The following SOX5 variants were observed in gnomAD, a reference collection of about 807,000 sequenced individuals.
SOX5 encodes SRY-box transcription factor 5.
A neutral mutation model predicts 92.0 loss-of-function variants in SOX5; 9 were observed. The observed-to-expected ratio is 0.10, with a 90% CI of 0.06 to 0.17. SOX5 has a LOEUF of 0.17. Among genes scored for constraint, SOX5 ranks in the 10% least tolerant of loss-of-function variants. The pLI is 1.00. For synonymous variants in SOX5, 344 were observed against 336.3 expected (o/e 1.02, Z -0.25); for missense variants, 642 against 944.5 (o/e 0.68, Z 4.20).
At chr12:24,313,471 A>G (rs1949397144) in intron 2 of SOX5, among the ~76,000 whole-genome samples, 1 of 152,190 alleles carries the variant, frequency 6.6e-6, no homozygotes, top group African/African-American at 2.4e-5. Context: ...TCAAAGTTAC[A>G]GTGAGCTATG....
intron 3 of SOX5, among the ~76,000 whole-genome samples, chr12:23,816,530 G>T (rs2095998300): frequency 6.6e-6 from 1 of 151,974 alleles, no homozygotes; most frequent in African/African-American, 2.4e-5. Context: ...GCAGGATGGA[G>T]GTTTACATCT....
chr12:23,546,387 G>T lies in SOX5; in HGVS notation c.1526C>A (p.Ala509Glu). 6.2e-7 allele frequency: 1 copy of T among 1,608,362 alleles called. No homozygotes were observed. The highest frequency in any genetic ancestry group is 8.5e-7 in the Non-Finnish European group (1 of 1,175,242). The change falls in exon 12 of 15, where the codon GCA (alanine) becomes GAA (glutamate). Residue 509 changes from alanine (A) to glutamate (E), a missense_variant. By Grantham distance (107) the Ala-to-Glu change is moderately radical (BLOSUM62 -1). Coordinates refer to ENST00000451604, the MANE Select transcript of SOX5 (RefSeq NM_006940.6). ...TTTTCCTTCTTCATTCTGTTTAACTGCCAGTTGCTGAGTCAGACTCTCCAG... is the reference window on the plus strand; with the variant it reads ...TTTTCCTTCTTCATTCTGTTTAACTTCCAGTTGCTGAGTCAGACTCTCCAG... The part of the protein sequence containing the change: ...TTLESLTQQL[A>E]VKQNEEGKFS...
intron 9 of SOX5, among the ~76,000 whole-genome samples, chr12:23,594,682 T>A (rs1025686831): frequency 6.6e-6 from 1 of 152,152 alleles, no homozygotes; most frequent in South Asian, 2.1e-4. Context: ...ATATTTAGAA[T>A]ATAATTCAAA....
At chr12:24,443,844 T>C (rs1372533669) in intron 1 of SOX5, among the ~76,000 whole-genome samples, 3 of 152,258 alleles carry the variant, frequency 2.0e-5, no homozygotes, top group Non-Finnish European at 4.4e-5. Flanking sequence ...CCCATTCTAA[T>C]ATAGTACTTC....
chr12:24,307,892 G>A (rs1417297358), intron 2 of SOX5, among the ~76,000 whole-genome samples: 1 of 152,084 alleles, frequency 6.6e-6, no homozygotes, highest in Non-Finnish European at 1.5e-5. Flanking sequence ...GCATGAACAG[G>A]GCAGGAGAGG....
intron 1 of SOX5, among the ~76,000 whole-genome samples, chr12:23,925,470 G>C (rs973436471): frequency 6.6e-6 from 1 of 151,906 alleles, no homozygotes; most frequent in Admixed American, 6.6e-5. Context: ...GAATATAATT[G>C]GTAATTTAGT....
chr12:24,473,461 A>G (rs1445126819), intron 1 of SOX5, among the ~76,000 whole-genome samples: 1 of 152,212 alleles, frequency 6.6e-6, no homozygotes, highest in Non-Finnish European at 1.5e-5. Context: ...TTAAAGTACA[A>G]CACAAATTCC....
chr12:24,347,437 C>G (rs7965573), intron 2 of SOX5, among the ~76,000 whole-genome samples: 10,880 of 152,166 alleles, frequency 0.072, 476 homozygotes, highest in South Asian at 0.11. Flanking sequence ...TGCATTACCT[C>G]ACATGCTTAT....
At chr12:24,451,041 G>A (rs977808748) in intron 1 of SOX5, among the ~76,000 whole-genome samples, 2 of 152,076 alleles carry the variant, frequency 1.3e-5, no homozygotes, top group Non-Finnish European at 2.9e-5. Context: ...TTGAGAATAT[G>A]TGATATTTGT....
chr12:23,664,728 G>A (rs543926287), intron 7 of SOX5, among the ~76,000 whole-genome samples: 2 of 152,232 alleles, frequency 1.3e-5, no homozygotes, highest in South Asian at 4.1e-4. Context: ...CTCCAAAAAT[G>A]TCTTCTATAT....
intron 2 of SOX5, among the ~76,000 whole-genome samples, chr12:24,367,062 G>T (rs1411162105): frequency 6.6e-6 from 1 of 152,136 alleles, no homozygotes; most frequent in Non-Finnish European, 1.5e-5. Flanking sequence ...AATCCATTTT[G>T]CTTAAGTATC....
At chr12:24,073,720 CAAT>C (rs1942106102) in intron 4 of SOX5, among the ~76,000 whole-genome samples, 1 of 152,122 alleles carries the variant, frequency 6.6e-6, no homozygotes, top group Non-Finnish European at 1.5e-5. Context: ...AATTTTTCAA[CAAT>C]GATTCAAATT....
chr12:24,495,868 C>G (rs1237027258), intron 1 of SOX5, among the ~76,000 whole-genome samples: 9 of 152,114 alleles, frequency 5.9e-5, no homozygotes, highest in Admixed American at 2.6e-4. Flanking sequence ...CCGAGAGAGT[C>G]CTTTCCTAGC....
At chr12:23,806,548 C>T (rs2095774934) in intron 3 of SOX5, among the ~76,000 whole-genome samples, 1 of 137,896 alleles carries the variant, frequency 7.3e-6, no homozygotes, top group Non-Finnish European at 1.5e-5. Context: ...GACTGAGGTG[C>T]TATTTTACAA....
chr12:23,806,582 TAA>T (rs35340250), intron 3 of SOX5, among the ~76,000 whole-genome samples: 76 of 70,428 alleles, frequency 1.1e-3, no homozygotes, highest in Non-Finnish European at 1.7e-3. Flanking sequence ...CTTTTTCCAC[TAA>T]AAAAAAAAAA....
At chr12:23,850,227 G>A (rs188374010) in intron 2 of SOX5, among the ~76,000 whole-genome samples, 2 of 152,014 alleles carry the variant, frequency 1.3e-5, no homozygotes, top group Non-Finnish European at 2.9e-5. Flanking sequence ...TCAAGAGATC[G>A]AGACTGTCCT....
At chr12:24,495,119 T>C (rs1452877324) in intron 1 of SOX5, among the ~76,000 whole-genome samples, 1 of 152,228 alleles carries the variant, frequency 6.6e-6, no homozygotes, top group Non-Finnish European at 1.5e-5. Flanking sequence ...TAAGGACATC[T>C]AGTTATACCC....
At chr12:24,412,013 T>A (rs1404570008) in intron 1 of SOX5, among the ~76,000 whole-genome samples, 1 of 152,168 alleles carries the variant, frequency 6.6e-6, no homozygotes, top group Non-Finnish European at 1.5e-5. Flanking sequence ...GCAGTTCATG[T>A]TTTTTGAGGA....
intron 2 of SOX5, among the ~76,000 whole-genome samples, chr12:24,319,386 C>T (rs753002062): frequency 4.6e-5 from 7 of 152,146 alleles, no homozygotes; most frequent in South Asian, 2.1e-4. Flanking sequence ...CCAGTTCTTA[C>T]GTAACTTGAT....
Sources: allele counts gnomAD v4.1 joint callset (sites outside exome capture counted in the v4.1 genomes callset), GRCh38; gene constraint gnomAD v4.1.1; transcripts MANE v1.5; gene names NCBI Gene and HGNC (gene_info 2026-07-23, HGNC 2026-07-21).